Variants in PLCE1 observed in about 807,000 individuals in gnomAD.
The protein encoded by PLCE1 is phospholipase C epsilon 1, also known as 1-phosphatidylinositol 4,5-bisphosphate phosphodiesterase epsilon-1.
Under a neutral mutation model 242.8 loss-of-function variants are expected in PLCE1, and 119 were observed. That is an observed-to-expected ratio of 0.49 (90% CI 0.42 to 0.57). The LOEUF (loss-of-function observed/expected upper bound fraction) is 0.57, where lower values mean the gene tolerates loss of function less well. Among genes scored for constraint, PLCE1 ranks in the 20% least tolerant of loss-of-function variants. PLCE1 has a pLI of 0.00. For missense variants in PLCE1, 2,441 were observed against 2,788.8 expected (o/e 0.88, Z 2.81); for synonymous variants, 945 against 1,017.4 (o/e 0.93, Z 1.35).
At chr10:94,049,975 C>T (rs1329198355) in intron 2 of PLCE1, among the ~76,000 whole-genome samples, 1 of 152,180 alleles carries the variant, frequency 6.6e-6, no homozygotes, top group Non-Finnish European at 1.5e-5. Flanking sequence ...TTTCCCATTT[C>T]ATTTCATGAA....
chr10:94,092,764 CATA>C (rs2045129775), intron 2 of PLCE1, among the ~76,000 whole-genome samples: 1 of 151,962 alleles, frequency 6.6e-6, no homozygotes, highest in Non-Finnish European at 1.5e-5. Context: ...AAGGTTCACA[CATA>C]ATTTAAGGAG....
chr10:94,254,932 C>T lies in PLCE1; in HGVS notation c.3437C>T (p.Ser1146Phe). Residue 1146 changes from serine to phenylalanine, a missense_variant, in exon 11 of 33, where the codon TCC becomes TTC. Physicochemically the swap from Ser to Phe is radical, Grantham distance 155 (BLOSUM62 -2). This residue lies in a region of PLCE1 where 1,004 missense variants were observed against 1,322.7 expected (regional missense o/e 0.76). Coordinates refer to ENST00000371380, the MANE Select transcript of PLCE1 (RefSeq NM_016341.4). ...AIANPPNPLPSRRAHSLTTAG... is the reference protein window; with the variant it reads ...AIANPPNPLPFRRAHSLTTAG... Reference sequence around the variant, plus strand: ...GCTAACCCTCCAAACCCCCTCCCTTCCAGAAGAGCCCACTCTTTGACCACA... The same window carrying T: ...GCTAACCCTCCAAACCCCCTCCCTTTCAGAAGAGCCCACTCTTTGACCACA... The T allele has an allele frequency of 1.2e-6, 2 of 1,614,038 alleles. No homozygotes were observed. Among genetic ancestry groups the T allele is most frequent in the Non-Finnish European group, 1.7e-6 (2 of 1,179,914 alleles).
chr10:94,279,808 G>T lies in PLCE1; in HGVS notation c.4692G>T (p.Val1564=), dbSNP rs747064088. 2.5e-6 allele frequency: 4 copies of T among 1,613,710 alleles called. No individual in the cohort carries two copies. The South Asian group carries it at 3.3e-5, about 13-fold the overall frequency. The stretch of plus-strand genomic sequence containing the variant: ...CTCATCAGTTAGCATCTATGCAAGT[G>T]CAGGCTTATAATGGTGGGAATGCCA... ...QKAHQLASMQ[V]QAYNGGNANP... is the part of the protein sequence containing the mutation. The change falls in exon 20 of 33, where the codon GTG becomes GTT. Residue 1564 remains valine, a synonymous_variant. Transcript: ENST00000371380.
chr10:94,149,141 A>G (rs1375328509), intron 3 of PLCE1, among the ~76,000 whole-genome samples: 1 of 152,226 alleles, frequency 6.6e-6, no homozygotes, highest in African/African-American at 2.4e-5. Context: ...ACTATGACAC[A>G]GCACCATTGT....
At position 94,152,298 on chromosome 10, in the gene PLCE1, G is replaced by A. The variant is rs138444018; in HGVS notation, c.1493-18882G>A. ...GTTAAATATAAAACAGTTCCTATAC[G>A]ACCTTGTTTATTGCTAGATTAGATA... On this transcript the variant is annotated intron_variant, in intron 3 of 32. Coordinates refer to ENST00000371380, the MANE Select transcript of PLCE1 (RefSeq NM_016341.4). Among the ~76,000 whole-genome samples, 640 of 152,232 alleles carry A rather than the reference G, an allele frequency of 4.2e-3. 5 individuals are homozygous for A. The highest frequency in any genetic ancestry group is 0.013 in the African/African-American group (553 of 41,522).
At chr10:94,111,826 T>G (rs2045964813) in intron 2 of PLCE1, among the ~76,000 whole-genome samples, 2 of 152,224 alleles carry the variant, frequency 1.3e-5, no homozygotes, top group Admixed American at 1.3e-4. Flanking sequence ...CATTTTATAG[T>G]GCTTGAATAA....
At chr10:94,034,600 A>C (rs145985134) in intron 2 of PLCE1, among the ~76,000 whole-genome samples, 1 of 152,178 alleles carries the variant, frequency 6.6e-6, no homozygotes, top group Non-Finnish European at 1.5e-5. Context: ...TCGTTTCAGC[A>C]TCTGTTGATT....
chr10:94,295,880 T>C (rs1270238560), intron 23 of PLCE1, among the ~76,000 whole-genome samples: 2 of 152,212 alleles, frequency 1.3e-5, no homozygotes, highest in African/African-American at 4.8e-5. Context: ...TTAGCATGAT[T>C]CTTAAGGGCC....
chr10:94,140,781 G>A (rs2046931096), intron 3 of PLCE1, among the ~76,000 whole-genome samples: 2 of 152,160 alleles, frequency 1.3e-5, no homozygotes, highest in South Asian at 4.1e-4. Flanking sequence ...CATGTGCATA[G>A]CTCTAATTCC....
intron 2 of PLCE1, among the ~76,000 whole-genome samples, chr10:94,064,999 A>C (rs566354467): frequency 2.6e-5 from 4 of 152,344 alleles, no homozygotes; most frequent in Non-Finnish European, 1.5e-5. Flanking sequence ...ATTTGGCACC[A>C]GGTTTAGTCC....
At position 94,298,366 on chromosome 10, in the gene PLCE1, T is replaced by C. The variant is rs765424797; in HGVS notation, c.5168-13T>C. The stretch of plus-strand genomic sequence containing the variant: ...TCTACACTAATCTGCGGCTAATTTC[T>C]TGGGGGGTTTAGGTTCCTGTGAAGG... On this transcript the variant is annotated splice_polypyrimidine_tract_variant and intron_variant, in intron 23 of 32. Coordinates refer to ENST00000371380, the MANE Select transcript of PLCE1 (RefSeq NM_016341.4). The surrounding 1 kb of genome is among the most constrained non-coding windows in gnomAD (Gnocchi z 5.2). 2.5e-6 allele frequency: 4 copies of C among 1,613,766 alleles called. No individual in the cohort carries two copies. The highest frequency in any genetic ancestry group is 2.2e-5 in the East Asian group (1 of 44,878).
intron 1 of PLCE1, among the ~76,000 whole-genome samples, chr10:94,000,946 A>G (rs1218787519): frequency 6.6e-6 from 1 of 152,232 alleles, no homozygotes; most frequent in Non-Finnish European, 1.5e-5. Context: ...GGGTCAGAGT[A>G]AAGCTCCAGT....
chr10:94,201,694 T>C (rs924429235), intron 4 of PLCE1, among the ~76,000 whole-genome samples: 3 of 152,124 alleles, frequency 2.0e-5, no homozygotes, highest in Non-Finnish European at 4.4e-5. Context: ...TTAGCCAGGA[T>C]GGTCTCGATC....
intron 18 of PLCE1, among the ~76,000 whole-genome samples, chr10:94,272,338 C>T (rs771258156): frequency 1.2e-4 from 18 of 152,178 alleles, no homozygotes; most frequent in African/African-American, 1.7e-4. Context: ...CCTACTTGCA[C>T]GTCTGTTTAT....
intron 28 of PLCE1, among the ~76,000 whole-genome samples, chr10:94,314,692 A>G (rs1342257815): frequency 6.6e-6 from 1 of 152,232 alleles, no homozygotes; most frequent in African/African-American, 2.4e-5. Flanking sequence ...GTTAGGGTGT[A>G]TGATGAAATG....
Position 94,284,979 on chromosome 10 carries a change from A to T in PLCE1, c.5035+14A>T. 7.6e-7 allele frequency: 1 copy of T among 1,309,390 alleles called. No homozygotes were observed. The highest frequency in any genetic ancestry group is 1.2e-5 in the South Asian group (1 of 84,844). 81.1% of individuals were successfully genotyped at this position (1,309,390 alleles called of 1,614,324 possible). A position where few individuals can be genotyped will look rare whatever the true frequency, so the allele number is the denominator to read the frequency against. ...TAAAATTTCCAGGTAAGATTAGGCAATATCATCTATAACTTTTAAAGATAT... is the reference window on the plus strand; with the variant it reads ...TAAAATTTCCAGGTAAGATTAGGCATTATCATCTATAACTTTTAAAGATAT... On this transcript the variant is annotated intron_variant, in intron 22 of 32. Coordinates refer to ENST00000371380, the MANE Select transcript of PLCE1 (RefSeq NM_016341.4).
chr10:94,238,687 G>A (rs948535374), intron 7 of PLCE1, among the ~76,000 whole-genome samples: 1 of 152,106 alleles, frequency 6.6e-6, no homozygotes, highest in Admixed American at 6.6e-5. Flanking sequence ...ATAGAGGCAT[G>A]GAGACCTAAG....
intron 19 of PLCE1, among the ~76,000 whole-genome samples, chr10:94,274,686 A>G (rs965521992): frequency 6.6e-6 from 1 of 152,098 alleles, no homozygotes; most frequent in African/African-American, 2.4e-5. Flanking sequence ...TTATTTTTAA[A>G]CACTGCACCA....
chr10:94,293,719 C>T (rs1564869910), intron 23 of PLCE1, 80 bp downstream of exon 23: 2 of 1,494,558 alleles, frequency 1.3e-6, no homozygotes, highest in East Asian at 4.6e-5. Context: ...AAGCACTTCC[C>T]TTGAATTTTT....
Sources: gnomAD v4.1 joint callset for allele counts (sites outside exome capture counted in the v4.1 genomes callset) on GRCh38, gnomAD v4.1.1 for gene constraint, gnomAD v4.1.1 regional missense constraint, Gnocchi (gnomAD v3.1) non-coding constraint, MANE v1.5 for transcripts, NCBI Gene and HGNC (gene_info 2026-07-23, HGNC 2026-07-21) for gene names.